Variants in CARS1 observed in about 807,000 individuals in gnomAD.
CARS1 encodes cysteine--tRNA ligase, cytoplasmic.
In CARS1, 48 loss-of-function variants were observed where a neutral mutation model predicts 106.2. The observed-to-expected ratio is 0.45, with a 90% confidence interval of 0.36 to 0.57. The LOEUF (loss-of-function observed/expected upper bound fraction) is 0.57, where lower values mean the gene tolerates loss of function less well. CARS1 is among the 20% of genes least tolerant of loss of function. The pLI is 0.00. For synonymous variants in CARS1, 409 were observed against 403.4 expected (o/e 1.01, Z -0.17); for missense variants, 968 against 1,057.2 (o/e 0.92, Z 1.17).
rs1024972535 is a variant in CARS1 at position 3,028,472 on chromosome 11, G to A, written c.1031+524C>T. ...CTACACACTACAGACAGATAACCGG[G>A]TTCCTGTCTGCATTTCCATTTGTTG... On this transcript the variant is annotated intron_variant, in intron 9 of 22. Transcript: ENST00000380525. This position sits in a 1 kb window ranked among gnomAD's most constrained non-coding sequence, Gnocchi z 4.4. 2.4e-5 allele frequency: 5 copies of A among 206,632 alleles called. No homozygotes were observed. The South Asian group carries it at 7.7e-4, about 32-fold the overall frequency. 12.8% of individuals were successfully genotyped at this position (206,632 alleles called of 1,614,324 possible). A position where few individuals can be genotyped will look rare whatever the true frequency, so the allele number is the denominator to read the frequency against.
intron 17 of CARS1, among the ~76,000 whole-genome samples, chr11:3,015,161 T>A (rs1165728372): frequency 6.6e-6 from 1 of 151,900 alleles, no homozygotes; most frequent in Non-Finnish European, 1.5e-5. Flanking sequence ...ACTGCCAGGG[T>A]GTTCTGGATG....
intron 19 of CARS1, 126 bp from the exon 20 acceptor site, chr11:3,005,559 A>G: frequency 1.5e-6 from 1 of 655,642 alleles, no homozygotes; most frequent in Non-Finnish European, 2.7e-6. Context: ...GAGGGCCCAC[A>G]GGAGAAAAAC....
chr11:3,014,473 G>A (rs1028942041), intron 17 of CARS1, among the ~76,000 whole-genome samples: 5 of 152,246 alleles, frequency 3.3e-5, no homozygotes, highest in East Asian at 1.9e-4. Context: ...TGGGGGATGC[G>A]GATGCGTGTC....
Position 3,039,147 on chromosome 11 carries a change from C to T in CARS1, c.651+47G>A, listed in dbSNP as rs375776207. 68 of 1,236,440 alleles carry T rather than the reference C, an allele frequency of 5.5e-5. No homozygotes were observed. The highest frequency in any genetic ancestry group is 3.8e-4 in the Middle Eastern group (2 of 5,278). The allele number at this position is 1,236,440 out of a possible 1,614,324, so 76.6% of individuals were successfully genotyped here. A position where few individuals can be genotyped will look rare whatever the true frequency, so the allele number is the denominator to read the frequency against. On this transcript the variant is annotated intron_variant, in intron 6 of 22. Transcript: ENST00000380525. This position sits in a 1 kb window ranked among gnomAD's most constrained non-coding sequence, Gnocchi z 5.6. ...ACAGTAGCCTACAAAGGACCGAGAA[C>T]AGAAAGCAAAGGGCTCGGTTTCTAG...
intron 20 of CARS1, among the ~76,000 whole-genome samples, 176 bp from the exon 21 acceptor site, chr11:3,002,776 C>T (rs1050266547): frequency 2.6e-5 from 4 of 152,206 alleles, no homozygotes; most frequent in Non-Finnish European, 5.9e-5. Context: ...AGCACACCGA[C>T]CCTCTTCCAT....
rs1014934607 is a variant in CARS1 at position 3,046,631 on chromosome 11, C to CG, written c.274+1121dup. Among the ~76,000 whole-genome samples the CG allele has an allele frequency of 1.6e-4, 24 of 151,958 alleles. No homozygotes were observed. The East Asian group carries it at 2.9e-3, about 18-fold the overall frequency. ...GCAGAGGCCTGACCCACGGCAGAGG[C>CG]GGGGGGGCATGTTCCCAATCCCAGG... is the stretch of plus-strand genomic sequence containing the variant. On this transcript the variant is annotated intron_variant, in intron 2 of 22. Transcript: ENST00000380525. This position sits in a 1 kb window ranked among gnomAD's most constrained non-coding sequence, Gnocchi z 5.8.
At chr11:3,042,625 C>A (rs1330886573) in intron 2 of CARS1, among the ~76,000 whole-genome samples, 1 of 152,230 alleles carries the variant, frequency 6.6e-6, no homozygotes, top group African/African-American at 2.4e-5. Flanking sequence ...GCGTGCCCAG[C>A]ACATTCCACT....
rs1037209153 is a variant in CARS1, at chr11:3,050,545, T to C, written c.26-2544A>G. 2.0e-5 allele frequency among the ~76,000 whole-genome samples: 3 copies of C among 152,038 alleles called. No homozygotes were observed. Among genetic ancestry groups the C allele is most frequent in the Non-Finnish European group, 2.9e-5 (2 of 68,024 alleles). On this transcript the variant is annotated intron_variant, in intron 1 of 22. Coordinates refer to ENST00000380525, the MANE Select transcript of CARS1 (RefSeq NM_001014437.3). This position sits in a 1 kb window ranked among gnomAD's most constrained non-coding sequence, Gnocchi z 6.3. ...CACCGCCACCTGTAGCCAGCATGGC[T>C]CTCCCCTCACAGCCACAGGCCTCCA...
chr11:3,055,500 C>T (rs796321896), intron 1 of CARS1, among the ~76,000 whole-genome samples: 13 of 152,288 alleles, frequency 8.5e-5, no homozygotes, highest in African/African-American at 2.9e-4. Context: ...TGGGAGGAGG[C>T]GATAGTAAAG....
rs993895590 is a variant in CARS1 at position 3,045,466 on chromosome 11, G to A, written c.274+2287C>T. 1.3e-5 allele frequency among the ~76,000 whole-genome samples: 2 copies of A among 151,832 alleles called. No homozygotes were observed. Among genetic ancestry groups the A allele is most frequent in the African/African-American group, 4.8e-5 (2 of 41,348 alleles). On this transcript the variant is annotated intron_variant, in intron 2 of 22. Transcript: ENST00000380525. This position sits in a 1 kb window ranked among gnomAD's most constrained non-coding sequence, Gnocchi z 5.6. ...TTTTTAGTAGAGACAGGTTGTCACCGACTTAGCGAGCATGGTCTCAATCTC... is the reference window on the plus strand; with the variant it reads ...TTTTTAGTAGAGACAGGTTGTCACCAACTTAGCGAGCATGGTCTCAATCTC...
rs1406372094 is a variant in CARS1, at chr11:3,040,021, TTA to T, written c.456-92_456-91del. Reference sequence around the variant, plus strand: ...ACGTGTTTGAACTGCATGAGTGCATTTATATATGATTTTCTCTGCCATCCCTG... The same window carrying T: ...ACGTGTTTGAACTGCATGAGTGCATTTATATGATTTTCTCTGCCATCCCTG... On this transcript the variant is annotated intron_variant, in intron 4 of 22. Transcript: ENST00000380525. The surrounding 1 kb of genome is among the most constrained non-coding windows in gnomAD (Gnocchi z 5.8). The T allele has an allele frequency of 1.8e-5, 12 of 652,212 alleles. No individual in the cohort carries two copies. In the African/African-American group the frequency reaches 2.1e-4, roughly 11 times the overall value. 40.4% of individuals were successfully genotyped at this position (652,212 alleles called of 1,614,324 possible).
intron 1 of CARS1, chr11:3,054,998 C>G (rs760024085): frequency 4.3e-6 from 3 of 702,388 alleles, no homozygotes; most frequent in Non-Finnish European, 7.8e-6. Context: ...GGCTCTTGGA[C>G]AGGCACCAAG....
At position 3,026,652 on chromosome 11, in the gene CARS1, T is replaced by C. The variant is rs756307754; in HGVS notation, c.1153+24A>G. 2.5e-6 allele frequency: 4 copies of C among 1,611,626 alleles called. No individual in the cohort carries two copies. The East Asian group carries it at 8.9e-5, about 36-fold the overall frequency. On this transcript the variant is annotated intron_variant, in intron 10 of 22. Coordinates refer to ENST00000380525, the MANE Select transcript of CARS1 (RefSeq NM_001014437.3). ...GCTGGGCCAGGAGGGAGAGCCCACA[T>C]GCTCTCAGGCATGCCCTCCTCACCT...
At chr11:3,033,260 G>C (rs996541602) in intron 7 of CARS1, among the ~76,000 whole-genome samples, 3 of 152,072 alleles carry the variant, frequency 2.0e-5, no homozygotes, top group African/African-American at 4.8e-5. Context: ...CTGTGCACTA[G>C]GGGATTAGAC....
rs1294513835 is a variant in CARS1 at position 3,043,255 on chromosome 11, G to A, written c.275-999C>T. ...CATCTGAGATCCCTGAAGGGGCAGA[G>A]CTCTGTCCCTGGGGCCAGGGGCAGC... On this transcript the variant is annotated intron_variant, in intron 2 of 22. Coordinates refer to ENST00000380525, the MANE Select transcript of CARS1 (RefSeq NM_001014437.3). This position sits in a 1 kb window ranked among gnomAD's most constrained non-coding sequence, Gnocchi z 4.0. 6.6e-6 allele frequency among the ~76,000 whole-genome samples: 1 copy of A among 152,088 alleles called. No individual in the cohort carries two copies. The highest frequency in any genetic ancestry group is 2.4e-5 in the African/African-American group (1 of 41,424).
chr11:3,015,799 C>T lies in CARS1; in HGVS notation c.1968G>A (p.Gly656=). 1.2e-6 allele frequency: 2 copies of T among 1,614,154 alleles called. No homozygotes were observed. Among genetic ancestry groups the T allele is most frequent in the Middle Eastern group, 1.6e-4 (1 of 6,062 alleles). Residue 656 remains glycine (G), a synonymous_variant, in exon 17 of 23, where the codon GGG becomes GGA. Coordinates refer to ENST00000380525, the MANE Select transcript of CARS1 (RefSeq NM_001014437.3). ...EDSSLGFPVG[G]PGTSLSLEAT... ...TACTCACACTGAGGCTGGTTCCAGG[C>T]CCTCCGACCGGGAATCCCAGGGAGC...
At position 3,057,328 on chromosome 11, in the gene CARS1, G is replaced by C. The variant is rs370364853; in HGVS notation, c.25+15C>G. 9 of 1,607,316 alleles carry C rather than the reference G, an allele frequency of 5.6e-6. No individual in the cohort carries two copies. The highest frequency in any genetic ancestry group is 2.2e-5 in the South Asian group (2 of 90,552). On this transcript the variant is annotated intron_variant, in intron 1 of 22. Coordinates refer to ENST00000380525, the MANE Select transcript of CARS1 (RefSeq NM_001014437.3). ...CCCCCAGCCGCCCTCAGCCTGGCCC[G>C]GCCGCGCCGCTCACCCTGCTGCCCG...
Position 3,002,588 on chromosome 11 carries a change from T to G in CARS1, c.2230A>C (p.Lys744Gln). 6.2e-7 allele frequency: 1 copy of G among 1,614,114 alleles called. No individual in the cohort carries two copies. The highest frequency in any genetic ancestry group is 8.5e-7 in the Non-Finnish European group (1 of 1,179,986). ...GCCGCCTCCTCTTTCTTCTTCCTCT[T>G]CTCCTCTTCAACCTGGAGGGTCAAT... The part of the protein sequence containing the change: ...REEKRRVEEE[K>Q]RKKKEEAARR... The change falls in exon 21 of 23, where the codon AAG (lysine) becomes CAG (glutamine). Residue 744 changes from lysine (K) to glutamine (Q), a missense_variant. Transcript: ENST00000380525.
Position 3,019,104 on chromosome 11 carries a change from C to A in CARS1, c.1395+35G>T. Reference sequence around the variant, plus strand: ...TCCACTGCAGTATGAACACTGTGCTCTTGCACCTGACAAGGGGACTCTGTT... The same window carrying A: ...TCCACTGCAGTATGAACACTGTGCTATTGCACCTGACAAGGGGACTCTGTT... On this transcript the variant is annotated intron_variant, in intron 12 of 22. Transcript: ENST00000380525. The surrounding 1 kb of genome is among the most constrained non-coding windows in gnomAD (Gnocchi z 6.2). 6.7e-7 allele frequency: 1 copy of A among 1,497,700 alleles called. No homozygotes were observed. The highest frequency in any genetic ancestry group is 8.9e-7 in the Non-Finnish European group (1 of 1,125,736). The allele number at this position is 1,497,700 out of a possible 1,614,324, so 92.8% of individuals were successfully genotyped here.
Sources: allele counts gnomAD v4.1 joint callset (sites outside exome capture counted in the v4.1 genomes callset), GRCh38; gene constraint gnomAD v4.1.1; non-coding constraint Gnocchi (gnomAD v3.1); transcripts MANE v1.5; gene names NCBI Gene and HGNC (gene_info 2026-07-23, HGNC 2026-07-21).